The following NT5C variants were observed in gnomAD, a reference collection of about 807,000 sequenced individuals.
The protein encoded by NT5C is 5', 3'-nucleotidase, cytosolic.
NT5C carries 14 observed loss-of-function variants against 17.6 expected under a neutral mutation model. The ratio of observed to expected loss-of-function variants is 0.79; its 90% CI spans 0.52 to 1.24. The LOEUF is 1.24. Among genes scored for constraint, NT5C ranks in the 50% most tolerant of loss-of-function variants. NT5C has a pLI of 0.00. For missense variants in NT5C, 328 were observed against 278.3 expected, an observed-to-expected ratio of 1.18 and a Z score of -1.27; for synonymous variants, 153 against 119.2, an observed-to-expected ratio of 1.28 and a Z score of -1.85.
At position 75,130,651 on chromosome 17, in the gene NT5C, GT is replaced by G. The variant is rs10715821; in HGVS notation, c.452-10del. 1,590,197 of 1,614,020 alleles carry G rather than the reference GT, an allele frequency of 0.99. 785,966 individuals carry two copies. The highest frequency in any genetic ancestry group is 1 in the East Asian group (44,871 of 44,872). On this transcript the variant is annotated splice_polypyrimidine_tract_variant and intron_variant, in intron 4 of 4. Coordinates refer to ENST00000245552, the MANE Select transcript of NT5C (RefSeq NM_014595.3). ...TGGGGTCTCCTCCTGGCCTAGGACA[GT>G]GAAAGACAGCGCGCTGCCATCTGTC...
chr17:75,131,562 T>C lies in NT5C; in HGVS notation c.146A>G (p.Gln49Arg). The change falls in exon 1 of 5, where the codon CAG becomes CGG. Residue 49 changes from glutamine (Q) to arginine (R), a missense_variant. Physicochemically the swap from Gln to Arg is conservative, Grantham distance 43. Coordinates refer to ENST00000245552, the MANE Select transcript of NT5C (RefSeq NM_014595.3). ...EQRRGFLARE[Q>R]YRALRPDLAD... ...CAGGTCGGGCCGCAGGGCGCGGTAC[T>C]GCTCGCGGGCCAGGAAGCCGCGGCG... 7.2e-7 allele frequency: 1 copy of C among 1,396,978 alleles called. No individual in the cohort carries two copies. Among genetic ancestry groups the C allele is most frequent in the Non-Finnish European group, 9.2e-7 (1 of 1,084,748 alleles). The allele number at this position is 1,396,978 out of a possible 1,614,324, so 86.5% of individuals were successfully genotyped here. A position where few individuals can be genotyped will look rare whatever the true frequency, so the allele number is the denominator to read the frequency against.
At position 75,131,033 on chromosome 17, in the gene NT5C, G is replaced by A. The variant is rs1398520817; in HGVS notation, c.336+12C>T. ...CAGCTCCACGTGCGGAGTAGGGGCG[G>A]GGCAGCCACACCTTCTCACCCACAC... is the stretch of plus-strand genomic sequence containing the variant. On this transcript the variant is annotated intron_variant, in intron 3 of 4. Transcript: ENST00000245552. 3 of 1,611,126 alleles carry A rather than the reference G, an allele frequency of 1.9e-6. No homozygotes were observed. The highest frequency in any genetic ancestry group is 1.7e-4 in the Middle Eastern group (1 of 6,048).
chr17:75,131,163 G>C lies in NT5C; in HGVS notation c.275+18C>G. On this transcript the variant is annotated intron_variant, in intron 2 of 4. Coordinates refer to ENST00000245552, the MANE Select transcript of NT5C (RefSeq NM_014595.3). ...CAGGAGCCCGCCCAGGACTCCGCCC[G>C]CCCCCCTCTCTCCTTACTCCGGTAG... The C allele has an allele frequency of 1.2e-6, 2 of 1,612,610 alleles. No homozygotes were observed. The highest frequency in any genetic ancestry group is 8.5e-7 in the Non-Finnish European group (1 of 1,179,748).
In NT5C at chr17:75,130,447, G is replaced by A; in HGVS notation, c.*41C>T. 1 of 1,608,612 alleles carries A rather than the reference G, an allele frequency of 6.2e-7. No individual in the cohort carries two copies. The highest frequency in any genetic ancestry group is 1.1e-5 in the South Asian group (1 of 90,638). On this transcript the variant is annotated 3_prime_UTR_variant, in exon 5 of 5. Transcript: ENST00000245552. ...GCTCTGCGGTGGCCCCTGTGGGCCT[G>A]CCCTTCCTTTAGCTCCAGCTGCTGC...
chr17:75,130,771 C>T lies in NT5C; in HGVS notation c.433G>A (p.Asp145Asn), dbSNP rs140047579. The T allele has an allele frequency of 1.4e-4, 221 of 1,614,200 alleles. No homozygotes were observed. In the African/African-American group the frequency reaches 2.8e-3, roughly 20 times the overall value. Residue 145 changes from aspartate (D) to asparagine (N), a missense_variant, in exon 4 of 5, where the codon GAC becomes AAC. Physicochemically the swap from Asp to Asn is conservative, Grantham distance 23. Transcript: ENST00000245552. Reference protein sequence around the residue: ...TVVLGDLLIDDKDTVRGQEET... With the variant: ...TVVLGDLLIDNKDTVRGQEET... ...GTCCAACCTCGAACTGTGTCCTTGT[C>T]ATCAATGAGCAGGTCCCCCAAGACC...
rs767244726 is a variant in NT5C, at chr17:75,131,217, G to A, written c.239C>T (p.Ala80Val). The A allele has an allele frequency of 1.9e-6, 3 of 1,613,928 alleles. No homozygotes were observed. The highest frequency in any genetic ancestry group is 1.3e-5 in the African/African-American group (1 of 75,036). Residue 80 changes from alanine (A) to valine (V), a missense_variant, in exon 2 of 5, where the codon GCC becomes GTC. By Grantham distance (64) the Ala-to-Val change is moderately conservative. Transcript: ENST00000245552. ...FFLDLEPIPG[A>V]LDAVREMNDL... is the part of the protein sequence containing the mutation. The stretch of plus-strand genomic sequence containing the variant: ...GTTCATCTCCCGCACAGCGTCCAAG[G>A]CTCCCGGGATGGGCTCCAGGTCCAG...
Position 75,130,486 on chromosome 17 carries a change from G to C in NT5C, c.*2C>G, listed in dbSNP as rs751921314. On this transcript the variant is annotated 3_prime_UTR_variant, in exon 5 of 5. Transcript: ENST00000245552. ...TCCAGCTGCTGCCCGCGGCATCCCC[G>C]CTCATTCCCGCTGCGCAGCTCCGCG... 19 of 1,613,112 alleles carry C rather than the reference G, an allele frequency of 1.2e-5. No individual in the cohort carries two copies. Among genetic ancestry groups the C allele is most frequent in the Non-Finnish European group, 1.5e-5 (18 of 1,179,666 alleles).
At position 75,130,531 on chromosome 17, in the gene NT5C, C is replaced by G. The variant is rs1402709097; in HGVS notation, c.563G>C (p.Arg188Thr). The G allele has an allele frequency of 6.2e-7, 1 of 1,614,198 alleles. No homozygotes were observed. The highest frequency in any genetic ancestry group is 1.7e-5 in the Admixed American group (1 of 60,030). Residue 188 changes from arginine to threonine, a missense_variant, in exon 5 of 5, where the codon AGG becomes ACG. Arg to Thr is a moderately conservative substitution (Grantham distance 71). Transcript: ENST00000245552. The part of the protein sequence containing the change: ...RRLLSWSDNW[R>T]EILDSKRGAA... ...TCCGCGCTTGCTATCTAAGATCTCC[C>G]TCCAGTTGTCACTCCAGGAGAGCAG...
intron 1 of NT5C, 41 bp downstream of exon 1, chr17:75,131,493 G>A (rs1319120636): frequency 1.4e-6 from 2 of 1,432,408 alleles, no homozygotes; most frequent in Admixed American, 5.9e-5. Context: ...CCGGAACGGA[G>A]CGAGCGGGCC....
At chr17:75,130,664 C>G in intron 4 of NT5C, 22 bp from the exon 5 acceptor site, 1 of 1,614,042 alleles carries the variant, frequency 6.2e-7, no homozygotes, top group Non-Finnish European at 8.5e-7. Flanking sequence ...AAAGACAGCG[C>G]GCTGCCATCT....
At position 75,131,046 on chromosome 17, in the gene NT5C, T is replaced by A. The variant is rs748366030; in HGVS notation, c.335A>T (p.Lys112Met). The A allele has an allele frequency of 1.2e-6, 2 of 1,612,172 alleles. No individual in the cohort carries two copies. The highest frequency in any genetic ancestry group is 2.2e-5 in the South Asian group (2 of 90,882). ...GGAGTAGGGGCGGGGCAGCCACACCTTCTCACCCACACAGTGGTGGTACTT... is the reference window on the plus strand; with the variant it reads ...GGAGTAGGGGCGGGGCAGCCACACCATCTCACCCACACAGTGGTGGTACTT... ...LLKYHHCVGEKYRWVEQHLGP... is the reference protein window; with the variant it reads ...LLKYHHCVGEMYRWVEQHLGP... The change falls in exon 3 of 5, where the codon AAG (lysine) becomes ATG (methionine). Residue 112 changes from lysine to methionine, a missense_variant and splice_region_variant. Physicochemically the swap from Lys to Met is moderately conservative, Grantham distance 95 (BLOSUM62 -1). Coordinates refer to ENST00000245552, the MANE Select transcript of NT5C (RefSeq NM_014595.3).
At chr17:75,131,443 G>C in intron 1 of NT5C, 91 bp downstream of exon 1, 1 of 1,415,352 alleles carries the variant, frequency 7.1e-7, no homozygotes, top group Non-Finnish European at 9.4e-7. Flanking sequence ...CGGGTTCCAG[G>C]GTGAGAGCTC....
Position 75,131,600 on chromosome 17 carries a change from C to T in NT5C, c.108G>A (p.Val36=), listed in dbSNP as rs1161410335. Residue 36 remains valine (V), a synonymous_variant, in exon 1 of 5, where the codon GTG becomes GTA. Coordinates refer to ENST00000245552, the MANE Select transcript of NT5C (RefSeq NM_014595.3). The part of the protein sequence containing the change: ...FRRRFPEEPH[V]PLEQRRGFLA... ...GGAAGCCGCGGCGTTGCTCCAGCGG[C>T]ACGTGCGGCTCCTCAGGGAAGCGGC... 2 of 1,397,350 alleles carry T rather than the reference C, an allele frequency of 1.4e-6. No homozygotes were observed. Among genetic ancestry groups the T allele is most frequent in the South Asian group, 1.6e-5 (1 of 63,888 alleles). The allele number at this position is 1,397,350 out of a possible 1,614,324, so 86.6% of individuals were successfully genotyped here.
rs760460909 is a variant in NT5C, at chr17:75,130,476, C to T, written c.*12G>A. The T allele has an allele frequency of 6.2e-7, 1 of 1,612,474 alleles. No homozygotes were observed. The highest frequency in any genetic ancestry group is 1.7e-5 in the Admixed American group (1 of 60,008). ...TTCCTTTAGCTCCAGCTGCTGCCCG[C>T]GGCATCCCCGCTCATTCCCGCTGCG... On this transcript the variant is annotated 3_prime_UTR_variant, in exon 5 of 5. Transcript: ENST00000245552.
In NT5C at chr17:75,131,204, CACAGCGTCCAAGGCTCCCGGGATG is replaced by C. The variant is rs774396520; in HGVS notation, c.228_251del (p.Ile77_Val84del). The C allele has an allele frequency of 6.2e-7, 1 of 1,613,908 alleles. No homozygotes were observed. Among genetic ancestry groups the C allele is most frequent in the Admixed American group, 1.7e-5 (1 of 60,032 alleles). On this transcript the variant is annotated inframe_deletion, in exon 2 of 5. Coordinates refer to ENST00000245552, the MANE Select transcript of NT5C (RefSeq NM_014595.3). ...ACTCCGGTAGGTCGTTCATCTCCCG[CACAGCGTCCAAGGCTCCCGGGATG>C]GGCTCCAGGTCCAGGAAAAAGCCCG...
At position 75,131,621 on chromosome 17, in the gene NT5C, G is replaced by T; in HGVS notation, c.87C>A (p.Arg29=). 4 of 1,381,486 alleles carry T rather than the reference G, an allele frequency of 2.9e-6. No homozygotes were observed. Among genetic ancestry groups the T allele is most frequent in the Middle Eastern group, 2.6e-4 (1 of 3,828 alleles). The allele number at this position is 1,381,486 out of a possible 1,614,324, so 85.6% of individuals were successfully genotyped here. A position where few individuals can be genotyped will look rare whatever the true frequency, so the allele number is the denominator to read the frequency against. The change falls in exon 1 of 5, where the codon CGC becomes CGA. Residue 29 remains arginine, a synonymous_variant. Coordinates refer to ENST00000245552, the MANE Select transcript of NT5C (RefSeq NM_014595.3). ...GCGGCACGTGCGGCTCCTCAGGGAA[G>T]CGGCGGCGGAAGCCCCGCAGGAGGC... is the stretch of plus-strand genomic sequence containing the variant. ...EAGLLRGFRR[R]FPEEPHVPLE...
chr17:75,130,854 TC>T lies in NT5C; in HGVS notation c.349del (p.Glu117SerfsTer9). The T allele has an allele frequency of 6.2e-7, 1 of 1,614,082 alleles. No homozygotes were observed. The highest frequency in any genetic ancestry group is 8.5e-7 in the Non-Finnish European group (1 of 1,180,014). On this transcript the variant is annotated frameshift_variant, in exon 4 of 5. Transcript: ENST00000245552. LOFTEE classifies it high-confidence loss of function. ...TACGAACTGGGGCCCCAGGTGCTGC[TC>T]CACCCAGCGGTACTGTGTAGAAAAC... ...HCVGEKYRWV[E>X]QHLGPQFVER...
intron 1 of NT5C, 100 bp downstream of exon 1, chr17:75,131,434 G>A: frequency 7.1e-6 from 10 of 1,403,428 alleles, no homozygotes; most frequent in South Asian, 1.5e-5. Context: ...CGCTGCCCGC[G>A]GGTTCCAGGG....
At position 75,130,407 on chromosome 17, in the gene NT5C, T is replaced by C; in HGVS notation, c.*81A>G. ...CACGGGGCCAGAGGCACCAGCACGA[T>C]GCCGCCCCGACTCGGCTCTGCGGTG... On this transcript the variant is annotated 3_prime_UTR_variant, in exon 5 of 5. Transcript: ENST00000245552. 6.5e-7 allele frequency: 1 copy of C among 1,543,894 alleles called. No individual in the cohort carries two copies. Among genetic ancestry groups the C allele is most frequent in the South Asian group, 1.2e-5 (1 of 84,588 alleles).
Sources: allele counts gnomAD v4.1 joint callset, GRCh38; gene constraint gnomAD v4.1.1; transcripts MANE v1.5; gene names NCBI Gene and HGNC (gene_info 2026-07-23, HGNC 2026-07-21).